The following CERS6 variants were observed in gnomAD, a reference collection of about 807,000 sequenced individuals.
CERS6 encodes the protein ceramide synthase 6.
Under a neutral mutation model 56.8 loss-of-function variants are expected in CERS6, and 26 were observed. The observed-to-expected ratio is 0.46, with a 90% confidence interval of 0.34 to 0.63. The LOEUF (loss-of-function observed/expected upper bound fraction) is 0.63. Among genes scored for constraint, CERS6 ranks in the 30% least tolerant of loss-of-function variants. The pLI is 0.01. For missense variants in CERS6, 415 were observed against 467.5 expected, an observed-to-expected ratio of 0.89 and a Z score of 1.04; for synonymous variants, 164 against 173.3, an observed-to-expected ratio of 0.95 and a Z score of 0.42.
At chr2:168,625,191 A>C (rs920798568) in intron 3 of CERS6, among the ~76,000 whole-genome samples, 1 of 152,212 alleles carries the variant, frequency 6.6e-6, no homozygotes, top group African/African-American at 2.4e-5. Context: ...TTTCAGAATC[A>C]AAAGAACCAT....
intron 1 of CERS6, among the ~76,000 whole-genome samples, chr2:168,496,001 C>A (rs765693452): frequency 4.6e-5 from 7 of 152,212 alleles, no homozygotes; most frequent in Non-Finnish European, 1.0e-4. Flanking sequence ...CAGTTACAAG[C>A]ACATGCACAC....
chr2:168,498,536 G>A (rs1051340658), intron 1 of CERS6, among the ~76,000 whole-genome samples: 2 of 152,216 alleles, frequency 1.3e-5, no homozygotes, highest in Non-Finnish European at 2.9e-5. Context: ...GAATATTCAC[G>A]AGAGGGTGGC....
At chr2:168,545,385 G>C (rs1234332269) in intron 1 of CERS6, among the ~76,000 whole-genome samples, 1 of 152,108 alleles carries the variant, frequency 6.6e-6, no homozygotes, top group African/African-American at 2.4e-5. Flanking sequence ...CAATTAAGTG[G>C]TATGCTGTTG....
intron 1 of CERS6, among the ~76,000 whole-genome samples, chr2:168,460,297 C>T (rs1693756027): frequency 6.6e-6 from 1 of 151,962 alleles, no homozygotes; most frequent in African/African-American, 2.4e-5. Flanking sequence ...TGGGCTCAAG[C>T]AGTCCTCTCA....
intron 1 of CERS6, among the ~76,000 whole-genome samples, chr2:168,475,332 C>T (rs760156067): frequency 7.9e-5 from 12 of 152,124 alleles, no homozygotes; most frequent in Non-Finnish European, 1.2e-4. Context: ...GCTATTATGA[C>T]GCATCACCAA....
chr2:168,745,876 G>A (rs1236733914), intron 8 of CERS6, among the ~76,000 whole-genome samples: 1 of 152,126 alleles, frequency 6.6e-6, no homozygotes, highest in East Asian at 1.9e-4. Flanking sequence ...CACTCTGAGG[G>A]GCTTATACTC....
chr2:168,617,316 T>G (rs963651040), intron 3 of CERS6, among the ~76,000 whole-genome samples: 7 of 151,940 alleles, frequency 4.6e-5, no homozygotes, highest in Non-Finnish European at 1.0e-4. Flanking sequence ...AGATCACACT[T>G]CAAGGAACTG....
At chr2:168,658,003 A>G (rs1043933021) in intron 4 of CERS6, among the ~76,000 whole-genome samples, 1 of 152,184 alleles carries the variant, frequency 6.6e-6, no homozygotes, top group Non-Finnish European at 1.5e-5. Context: ...GTCACCTCTC[A>G]ATATAATACA....
rs539757796 is a variant in CERS6, at chr2:168,610,198, C to T, written c.408-20787C>T. Among the ~76,000 whole-genome samples the T allele has an allele frequency of 1.1e-4, 17 of 152,072 alleles. 1 individual carries two copies. In the Middle Eastern group the frequency reaches 0.01, roughly 91 times the overall value. The stretch of plus-strand genomic sequence containing the variant: ...TTCACCATGTTGGCCAGGATGGTCT[C>T]GATCTCCTGACCTCATGATCCACCC... On this transcript the variant is annotated intron_variant, in intron 3 of 9. Coordinates refer to ENST00000305747, the MANE Select transcript of CERS6 (RefSeq NM_203463.3).
At chr2:168,540,423 A>G (rs1387035892) in intron 1 of CERS6, among the ~76,000 whole-genome samples, 1 of 152,226 alleles carries the variant, frequency 6.6e-6, no homozygotes, top group African/African-American at 2.4e-5. Context: ...AGCAGGACAG[A>G]TGGAGTCCTT....
intron 8 of CERS6, among the ~76,000 whole-genome samples, chr2:168,760,013 C>T (rs1381225670): frequency 1.3e-5 from 2 of 151,432 alleles, no homozygotes; most frequent in Admixed American, 1.3e-4. Flanking sequence ...GTATATGGCT[C>T]GATAAATTTG....
chr2:168,555,099 T>C (rs1314346755), intron 2 of CERS6, among the ~76,000 whole-genome samples: 2 of 152,100 alleles, frequency 1.3e-5, no homozygotes, highest in Admixed American at 1.3e-4. Context: ...TCCTATATTC[T>C]GAATGTAGAG....
At chr2:168,461,233 C>G (rs1693774307) in intron 1 of CERS6, among the ~76,000 whole-genome samples, 1 of 152,052 alleles carries the variant, frequency 6.6e-6, no homozygotes, top group African/African-American at 2.4e-5. Context: ...GGATGTTAAA[C>G]CCTATAAGTG....
At position 168,574,319 on chromosome 2, in the gene CERS6, A is replaced by G. The variant is rs1009896728; in HGVS notation, c.407+12997A>G. 2.0e-5 allele frequency among the ~76,000 whole-genome samples: 3 copies of G among 152,070 alleles called. No homozygotes were observed. In the South Asian group the frequency reaches 6.2e-4, roughly 32 times the overall value. On this transcript the variant is annotated intron_variant, in intron 3 of 9. Transcript: ENST00000305747. ...CCAAAAGCTTCTCTTACTCCATGAC[A>G]GTAAGTTGTTCTTTCTGTTTCTTTC...
chr2:168,538,845 G>A (rs1034899143), intron 1 of CERS6, among the ~76,000 whole-genome samples: 1 of 152,184 alleles, frequency 6.6e-6, no homozygotes, highest in African/African-American at 2.4e-5. Flanking sequence ...CTGACAGATT[G>A]TCTTAGATAA....
chr2:168,608,853 A>G (rs982771232), intron 3 of CERS6, among the ~76,000 whole-genome samples: 4 of 152,196 alleles, frequency 2.6e-5, no homozygotes, highest in Non-Finnish European at 4.4e-5. Flanking sequence ...ATTTTGAAAC[A>G]TGAGTTATGA....
intron 1 of CERS6, among the ~76,000 whole-genome samples, chr2:168,520,626 T>TTTTTTTTTTTTTTTTTTTTTTTTTA (rs1694961398): frequency 1.1e-5 from 1 of 93,230 alleles, no homozygotes; most frequent in Non-Finnish European, 2.3e-5. Context: ...TTTTTTTTTT[T>TTTTTTTTTTTTTTTTTTTTTTTTTA]TGAGAAGCAG....
Position 168,566,199 on chromosome 2 carries a change from C to T in CERS6, c.407+4877C>T, listed in dbSNP as rs181635007. 1.7e-3 allele frequency among the ~76,000 whole-genome samples: 255 copies of T among 152,164 alleles called. 1 individual carries two copies. Among genetic ancestry groups the T allele is most frequent in the Non-Finnish European group, 2.0e-3 (137 of 68,006 alleles). ...TACAGGGCTTTTATTTAAGCAGTCT[C>T]AAAGATTGGAAAGATGAATCTCCCA... On this transcript the variant is annotated intron_variant, in intron 3 of 9. Coordinates refer to ENST00000305747, the MANE Select transcript of CERS6 (RefSeq NM_203463.3).
intron 8 of CERS6, among the ~76,000 whole-genome samples, chr2:168,721,580 A>AAAC: frequency 3.9e-5 from 1 of 25,528 alleles, no homozygotes; most frequent in East Asian, 6.2e-4. Flanking sequence ...AAAAAAAACC[A>AAAC]AAAAACAAAA....
Sources: gnomAD v4.1 joint callset for allele counts (sites outside exome capture counted in the v4.1 genomes callset) on GRCh38, gnomAD v4.1.1 for gene constraint, MANE v1.5 for transcripts, NCBI Gene and HGNC (gene_info 2026-07-23, HGNC 2026-07-21) for gene names.